The following NPAS3 variants were observed in gnomAD, a reference collection of about 807,000 sequenced individuals.
NPAS3 encodes neuronal PAS domain-containing protein 3.
In NPAS3, 14 loss-of-function variants were observed where a neutral mutation model predicts 73.1. The ratio of observed to expected loss-of-function variants is 0.19; its 90% CI spans 0.13 to 0.30. The LOEUF (loss-of-function observed/expected upper bound fraction) is 0.30, where lower values mean the gene tolerates loss of function less well. NPAS3 is among the 10% of genes least tolerant of loss of function. The probability of loss-of-function intolerance (pLI) is 1.00; values close to 1 mark genes in which losing one functional copy is unlikely to be tolerated. For synonymous variants in NPAS3, 620 were observed against 541.5 expected (o/e 1.14, Z -2.01); for missense variants, 1,096 against 1,250.0 (o/e 0.88, Z 1.86).
At chr14:33,615,432 A>G (rs2057884224) in intron 5 of NPAS3, among the ~76,000 whole-genome samples, 1 of 152,296 alleles carries the variant, frequency 6.6e-6, no homozygotes, top group African/African-American at 2.4e-5. Flanking sequence ...GGGCTTGGAA[A>G]GGCATTAAGA....
rs185861659 is a variant in NPAS3 at position 33,402,519 on chromosome 14, T to C, written c.468+35251T>C. Among the ~76,000 whole-genome samples, 433 of 152,194 alleles carry C rather than the reference T, an allele frequency of 2.8e-3. 1 individual carries two copies. Among genetic ancestry groups the C allele is most frequent in the Non-Finnish European group, 4.9e-3 (331 of 67,980 alleles). On this transcript the variant is annotated intron_variant, in intron 4 of 11. Transcript: ENST00000356141. Reference sequence around the variant, plus strand: ...TGGCTCTGGACTTGGCTGGCAGGCCTGAAGAGTCACCAGCAGGCTCTCCTG... The same window carrying C: ...TGGCTCTGGACTTGGCTGGCAGGCCCGAAGAGTCACCAGCAGGCTCTCCTG...
chr14:33,632,931 C>G (rs921511560), intron 5 of NPAS3, among the ~76,000 whole-genome samples: 6 of 152,242 alleles, frequency 3.9e-5, no homozygotes, highest in South Asian at 4.1e-4. Context: ...CCCTATAGGA[C>G]AAGCTTGCTG....
chr14:32,964,120 G>A (rs1298948280), intron 1 of NPAS3, among the ~76,000 whole-genome samples: 1 of 125,062 alleles, frequency 8.0e-6, no homozygotes, highest in African/African-American at 3.0e-5. Flanking sequence ...CCCCAACTGG[G>A]AAAGTTTCTT....
intron 4 of NPAS3, among the ~76,000 whole-genome samples, chr14:33,416,741 T>C (rs1297030364): frequency 1.3e-5 from 2 of 152,018 alleles, no homozygotes; most frequent in Non-Finnish European, 2.9e-5. Context: ...TCTCATTTTA[T>C]AGGAATGAGA....
At chr14:32,941,744 A>T (rs891234057) in intron 1 of NPAS3, among the ~76,000 whole-genome samples, 5 of 152,138 alleles carry the variant, frequency 3.3e-5, no homozygotes, top group African/African-American at 1.2e-4. Flanking sequence ...TGTATGGAGA[A>T]GGAGGAGTAA....
intron 4 of NPAS3, among the ~76,000 whole-genome samples, chr14:33,462,413 A>G (rs112949006): frequency 0.033 from 4,990 of 152,264 alleles, 110 homozygotes; most frequent in Middle Eastern, 0.088. Flanking sequence ...GTTCTGGCCA[A>G]TGAGCTGTGA....
intron 2 of NPAS3, among the ~76,000 whole-genome samples, chr14:33,091,167 C>T (rs1437914074): frequency 6.6e-6 from 1 of 151,968 alleles, no homozygotes; most frequent in African/African-American, 2.4e-5. Context: ...GATAGAGACA[C>T]AAAAAACTAT....
intron 8 of NPAS3, among the ~76,000 whole-genome samples, chr14:33,777,530 A>G (rs2062857606): frequency 6.6e-6 from 1 of 151,886 alleles, no homozygotes. Flanking sequence ...GATTTACTTC[A>G]TATTTCAATA....
intron 1 of NPAS3, among the ~76,000 whole-genome samples, chr14:33,047,347 C>T (rs933759104): frequency 2.0e-5 from 3 of 152,078 alleles, no homozygotes; most frequent in African/African-American, 7.2e-5. Context: ...CAGCTGAAAC[C>T]CAAATCCCCA....
At chr14:33,389,852 A>G (rs1290079761) in intron 4 of NPAS3, among the ~76,000 whole-genome samples, 2 of 152,186 alleles carry the variant, frequency 1.3e-5, no homozygotes, top group African/African-American at 4.8e-5. Flanking sequence ...GTTCATATTA[A>G]GTGCTGGTAA....
At chr14:33,781,110 A>T (rs2062966317) in intron 9 of NPAS3, among the ~76,000 whole-genome samples, 1 of 152,262 alleles carries the variant, frequency 6.6e-6, no homozygotes. Flanking sequence ...CAAGTAGCAC[A>T]CAATTAGTAA....
intron 2 of NPAS3, among the ~76,000 whole-genome samples, chr14:33,197,667 C>CT (rs1297793719): frequency 1.3e-5 from 2 of 152,232 alleles, no homozygotes; most frequent in Non-Finnish European, 2.9e-5. Flanking sequence ...TTCCAAAACT[C>CT]TTTTGCAAAC....
At chr14:33,166,504 A>C (rs1046232963) in intron 2 of NPAS3, among the ~76,000 whole-genome samples, 2 of 152,154 alleles carry the variant, frequency 1.3e-5, no homozygotes, top group Non-Finnish European at 2.9e-5. Flanking sequence ...GAGGGAGGGC[A>C]GGCACTCTCC....
At chr14:33,016,316 G>A (rs140057487) in intron 1 of NPAS3, among the ~76,000 whole-genome samples, 9 of 152,192 alleles carry the variant, frequency 5.9e-5, no homozygotes, top group Non-Finnish European at 1.0e-4. Flanking sequence ...TTGGCCCATG[G>A]TAGATAATCT....
chr14:33,123,019 A>AG (rs1295714762), intron 2 of NPAS3, among the ~76,000 whole-genome samples: 1 of 152,104 alleles, frequency 6.6e-6, no homozygotes, highest in Non-Finnish European at 1.5e-5. Context: ...ATATTTATTA[A>AG]AAACCTGGGA....
intron 3 of NPAS3, among the ~76,000 whole-genome samples, chr14:33,261,727 C>G (rs2048983644): frequency 6.6e-6 from 1 of 152,068 alleles, no homozygotes; most frequent in South Asian, 2.1e-4. Context: ...TAATTTTCCT[C>G]CAATATACAT....
intron 2 of NPAS3, among the ~76,000 whole-genome samples, chr14:33,151,252 T>G (rs2044432787): frequency 6.6e-6 from 1 of 152,204 alleles, no homozygotes; most frequent in African/African-American, 2.4e-5. Context: ...CAAGGAGGCC[T>G]TCTGAGGCCT....
chr14:33,160,808 T>C (rs2044848035), intron 2 of NPAS3, among the ~76,000 whole-genome samples: 1 of 152,184 alleles, frequency 6.6e-6, no homozygotes, highest in South Asian at 2.1e-4. Flanking sequence ...ATTTTATCTT[T>C]GAAGTTCCGC....
downstream of NPAS3, chr14:33,801,170 G>A (rs915382765): frequency 1.2e-5 from 19 of 1,528,558 alleles, no homozygotes; most frequent in African/African-American, 2.8e-5. Flanking sequence ...CGGCATTTTC[G>A]TTTAGACCTT....
Sources: gnomAD v4.1 joint callset for allele counts (sites outside exome capture counted in the v4.1 genomes callset) on GRCh38, gnomAD v4.1.1 for gene constraint, MANE v1.5 for transcripts, NCBI Gene and HGNC (gene_info 2026-07-23, HGNC 2026-07-21) for gene names.